Variants in CADM2 observed in about 807,000 individuals in gnomAD.
CADM2 encodes the protein cell adhesion molecule 2, also known as immunoglobulin superfamily member 4D.
CADM2 carries 12 observed loss-of-function variants against 49.8 expected under a neutral mutation model. The ratio of observed to expected loss-of-function variants is 0.24; its 90% CI spans 0.15 to 0.39. CADM2 has a LOEUF of 0.39. Ranked by LOEUF, CADM2 falls within the 10% of genes least tolerant of loss-of-function variation. CADM2 has a pLI of 1.00. For missense variants in CADM2, 378 were observed against 492.3 expected (o/e 0.77, Z 2.20); for synonymous variants, 214 against 175.4 (o/e 1.22, Z -1.74).
At chr3:84,996,517 T>C (rs1460431495) in intron 1 of CADM2, among the ~76,000 whole-genome samples, 2 of 152,138 alleles carry the variant, frequency 1.3e-5, no homozygotes, top group Non-Finnish European at 2.9e-5. Context: ...TTATTTACAT[T>C]GCTTTACTTT....
intron 1 of CADM2, among the ~76,000 whole-genome samples, chr3:85,526,090 C>T (rs1444205887): frequency 6.6e-6 from 1 of 152,056 alleles, no homozygotes; most frequent in Non-Finnish European, 1.5e-5. Context: ...GTCAGCCAGG[C>T]CTCTCCTGGA....
rs147308756 is a variant in CADM2, at chr3:85,266,118, C to G, written c.61+306450C>G. ...TCTCGATTCTTCATCACGCTATGCT[C>G]TGTTACCTGTCTGTAGGTGGTGAGA... is the stretch of plus-strand genomic sequence containing the variant. On this transcript the variant is annotated intron_variant, in intron 1 of 9. Transcript: ENST00000383699. 5.5e-3 allele frequency among the ~76,000 whole-genome samples: 841 copies of G among 151,988 alleles called. 3 individuals carry two copies. The highest frequency in any genetic ancestry group is 9.6e-3 in the Non-Finnish European group (654 of 67,862).
chr3:85,630,532 T>A (rs2064277460), intron 1 of CADM2, among the ~76,000 whole-genome samples: 2 of 152,154 alleles, frequency 1.3e-5, no homozygotes, highest in Admixed American at 1.3e-4. Context: ...AAAAAATGTA[T>A]ATCCTCAGGT....
At chr3:85,979,288 A>G in intron 8 of CADM2, 22 of 1,609,612 alleles carry the variant, frequency 1.4e-5, no homozygotes, top group Non-Finnish European at 1.7e-5. Context: ...TCAGAGGTAC[A>G]GTATGTTTCT....
At chr3:84,981,885 A>T (rs1269517691) in intron 1 of CADM2, among the ~76,000 whole-genome samples, 2 of 152,192 alleles carry the variant, frequency 1.3e-5, no homozygotes, top group African/African-American at 4.8e-5. Context: ...CGGGGTGATC[A>T]TATTCTCTTG....
In CADM2 at chr3:85,925,518, A is replaced by G. The variant is rs183128425; in HGVS notation, c.701-10249A>G. 5.8e-4 allele frequency among the ~76,000 whole-genome samples: 89 copies of G among 152,300 alleles called. 1 individual carries two copies. Among genetic ancestry groups the G allele is most frequent in the African/African-American group, 1.9e-3 (77 of 41,558 alleles). ...GGAAAAATAAACTAAACATCTTAGAAAAACACAATTGTACCCAGGAAAAAA... is the reference window on the plus strand; with the variant it reads ...GGAAAAATAAACTAAACATCTTAGAGAAACACAATTGTACCCAGGAAAAAA... On this transcript the variant is annotated intron_variant, in intron 6 of 9. Transcript: ENST00000383699.
At chr3:85,263,054 G>A (rs543489125) in intron 1 of CADM2, among the ~76,000 whole-genome samples, 18 of 151,798 alleles carry the variant, frequency 1.2e-4, no homozygotes, top group African/African-American at 1.2e-4. Context: ...GTGCAGTGGC[G>A]CGATCTCAGG....
chr3:85,423,908 TCAA>T (rs2036284100), intron 1 of CADM2, among the ~76,000 whole-genome samples: 1 of 152,200 alleles, frequency 6.6e-6, no homozygotes, highest in East Asian at 1.9e-4. Context: ...CCTATCAGAT[TCAA>T]CTTTTGGCTT....
Position 85,278,040 on chromosome 3 carries a change from A to G in CADM2, c.61+318372A>G, listed in dbSNP as rs139786750. Among the ~76,000 whole-genome samples the G allele has an allele frequency of 5.5e-3, 834 of 150,684 alleles. 5 individuals carry two copies. Among genetic ancestry groups the G allele is most frequent in the African/African-American group, 0.019 (795 of 41,262 alleles). On this transcript the variant is annotated intron_variant, in intron 1 of 9. Transcript: ENST00000383699. ...CCTTTTTTTTTCTATTTCCATGAAAATTGTGTATTTTTTTTTCCTGGGTCT... is the reference window on the plus strand; with the variant it reads ...CCTTTTTTTTTCTATTTCCATGAAAGTTGTGTATTTTTTTTTCCTGGGTCT...
At chr3:85,573,835 T>C (rs2062552357) in intron 1 of CADM2, among the ~76,000 whole-genome samples, 2 of 152,146 alleles carry the variant, frequency 1.3e-5, no homozygotes, top group Non-Finnish European at 2.9e-5. Context: ...AATTAACTAG[T>C]CCTTATGACA....
At chr3:85,224,954 G>A (rs552974027) in intron 1 of CADM2, among the ~76,000 whole-genome samples, 1 of 151,970 alleles carries the variant, frequency 6.6e-6, no homozygotes, top group Non-Finnish European at 1.5e-5. Flanking sequence ...TGTTCCATTG[G>A]TCTATATATC....
At chr3:85,252,167 A>C (rs967650581) in intron 1 of CADM2, among the ~76,000 whole-genome samples, 1 of 152,048 alleles carries the variant, frequency 6.6e-6, no homozygotes, top group Non-Finnish European at 1.5e-5. Context: ...CTTCTGATCC[A>C]CTAAAGAGAT....
intron 1 of CADM2, among the ~76,000 whole-genome samples, chr3:85,488,334 T>C (rs1425766719): frequency 6.6e-6 from 1 of 152,100 alleles, no homozygotes; most frequent in Non-Finnish European, 1.5e-5. Context: ...TTAATTATAT[T>C]TAAAAATCTA....
chr3:85,184,496 T>C (rs2041007770), intron 1 of CADM2, among the ~76,000 whole-genome samples: 1 of 152,154 alleles, frequency 6.6e-6, no homozygotes, highest in African/African-American at 2.4e-5. Context: ...AAACATTTGC[T>C]GAATTTCTAC....
chr3:85,326,745 T>C (rs2044764810), intron 1 of CADM2, among the ~76,000 whole-genome samples: 1 of 152,208 alleles, frequency 6.6e-6, no homozygotes, highest in South Asian at 2.1e-4. Flanking sequence ...AATCTATTCA[T>C]GTCCACATGC....
At chr3:85,929,483 T>G (rs570680110) in intron 6 of CADM2, among the ~76,000 whole-genome samples, 129 of 152,158 alleles carry the variant, frequency 8.5e-4, no homozygotes, top group African/African-American at 3.0e-3. Flanking sequence ...ATGCACTATT[T>G]ACTTCATTAC....
intron 1 of CADM2, among the ~76,000 whole-genome samples, chr3:85,449,529 T>C (rs898047147): frequency 6.6e-6 from 1 of 151,572 alleles, no homozygotes; most frequent in Non-Finnish European, 1.5e-5. Flanking sequence ...AAGGTCTTTT[T>C]TTGACGTAGT....
intron 1 of CADM2, among the ~76,000 whole-genome samples, chr3:85,199,032 A>G (rs193249997): frequency 5.3e-5 from 8 of 152,008 alleles, no homozygotes; most frequent in African/African-American, 1.2e-4. Context: ...AGCTATTTAT[A>G]AATTTAACTT....
intron 3 of CADM2, among the ~76,000 whole-genome samples, chr3:85,821,212 A>G (rs1157205727): frequency 6.6e-6 from 1 of 152,150 alleles, no homozygotes; most frequent in African/African-American, 2.4e-5. Context: ...TCAGAATCCC[A>G]GATAGCAAGA....
Sources: gnomAD v4.1 joint callset for allele counts (sites outside exome capture counted in the v4.1 genomes callset) on GRCh38, gnomAD v4.1.1 for gene constraint, MANE v1.5 for transcripts, NCBI Gene and HGNC (gene_info 2026-07-23, HGNC 2026-07-21) for gene names.